ACRV1: variants seen among roughly 807,000 people sequenced by gnomAD.
ACRV1 encodes the protein acrosomal protein SP-10.
A neutral mutation model predicts 29.2 loss-of-function variants in ACRV1; 17 were observed. The ratio of observed to expected loss-of-function variants is 0.58; its 90% confidence interval spans 0.40 to 0.87. The LOEUF is 0.87. Ranked by LOEUF, ACRV1 falls within the 40% of genes least tolerant of loss-of-function variation. ACRV1 has a pLI of 0.00. For synonymous variants in ACRV1, 98 were observed against 111.6 expected (o/e 0.88, Z 0.77); for missense variants, 294 against 316.0 (o/e 0.93, Z 0.53).
Position 125,678,292 on chromosome 11 carries a change from A to T in ACRV1, c.58T>A (p.Ser20Thr). Residue 20 changes from serine to threonine, a missense_variant, in exon 2 of 4, where the codon TCA (serine) becomes ACA (threonine). Coordinates refer to ENST00000533904, the MANE Select transcript of ACRV1 (RefSeq NM_001612.6). ...LYLLGSARGTSSQPNELSGSI... is the reference protein window; with the variant it reads ...LYLLGSARGTTSQPNELSGSI... The stretch of plus-strand genomic sequence containing the variant: ...CCAGAAAGCTCATTAGGCTGACTTG[A>T]TGTTCCTGGGATGGAGAAGGAACAG... 4 of 1,613,518 alleles carry T rather than the reference A, an allele frequency of 2.5e-6. No individual in the cohort carries two copies. Among genetic ancestry groups the T allele is most frequent in the Non-Finnish European group, 3.4e-6 (4 of 1,179,738 alleles).
intron 3 of ACRV1, among the ~76,000 whole-genome samples, chr11:125,674,894 C>A (rs1194270722): frequency 6.6e-6 from 1 of 152,214 alleles, no homozygotes; most frequent in Admixed American, 6.5e-5. Context: ...AGTTTATCTT[C>A]TATGTCTCTG....
intron 3 of ACRV1, among the ~76,000 whole-genome samples, chr11:125,674,481 C>T (rs530641269): frequency 1.3e-5 from 2 of 152,298 alleles, no homozygotes; most frequent in East Asian, 3.9e-4. Flanking sequence ...GAAGTGGTGA[C>T]TTGCGTAGCT....
chr11:125,675,649 C>A (rs1036766679), intron 3 of ACRV1, among the ~76,000 whole-genome samples: 6 of 152,154 alleles, frequency 3.9e-5, no homozygotes, highest in African/African-American at 1.4e-4. Context: ...TGAACACAGA[C>A]TTGTAGACAG....
chr11:125,673,270 CCTCAG>C (rs1423453382), intron 3 of ACRV1, among the ~76,000 whole-genome samples: 2 of 150,366 alleles, frequency 1.3e-5, no homozygotes, highest in Non-Finnish European at 3.0e-5. Context: ...AGTGGTGCAA[CCTCAG>C]CTCACCGCAG....
intron 1 of ACRV1, 33 bp from the exon 2 acceptor site, chr11:125,678,330 G>A (rs1236606573): frequency 6.2e-7 from 1 of 1,601,254 alleles, no homozygotes. Flanking sequence ...GAGAGTTGGT[G>A]AAGCTGACAG....
At chr11:125,673,019 C>T (rs1591433720) in intron 3 of ACRV1, among the ~76,000 whole-genome samples, 1 of 152,002 alleles carries the variant, frequency 6.6e-6, no homozygotes, top group East Asian at 1.9e-4. Context: ...CCTTCCTTTC[C>T]TTACAGCCTT....
chr11:125,671,625 T>C lies in ACRV1; in HGVS notation c.*968A>G, dbSNP rs1214092710. The C allele has an allele frequency of 6.6e-6, 1 of 152,226 alleles. No individual in the cohort carries two copies. Among genetic ancestry groups the C allele is most frequent in the Non-Finnish European group, 1.5e-5 (1 of 68,042 alleles). 9.4% of individuals were successfully genotyped at this position (152,226 alleles called of 1,614,324 possible). ...TTAGAACCATTCTGGCTACTTTCAT[T>C]GTGGTGGAAACAGCTCAGATTTAGA... is the stretch of plus-strand genomic sequence containing the variant. On this transcript the variant is annotated 3_prime_UTR_variant, in exon 4 of 4. Coordinates refer to ENST00000533904, the MANE Select transcript of ACRV1 (RefSeq NM_001612.6).
intron 2 of ACRV1, 106 bp from the exon 3 acceptor site, chr11:125,676,584 C>T (rs479195): frequency 0.51 from 683,516 of 1,340,416 alleles, 177,651 homozygotes; most frequent in Admixed American, 0.61. Flanking sequence ...GGATACTACA[C>T]ATTTATTTCT....
In ACRV1 at chr11:125,676,377, A is replaced by T. The variant is rs753602387; in HGVS notation, c.655T>A (p.Leu219Ile). 1 of 1,614,172 alleles carries T rather than the reference A, an allele frequency of 6.2e-7. No individual in the cohort carries two copies. Among genetic ancestry groups the T allele is most frequent in the South Asian group, 1.1e-5 (1 of 91,080 alleles). ...CATATACCTTCAAAGATCTTCTTTA[A>T]CATGCACTGCTGGGAATTCTGAGTG... ...CITQNSQQCM[L>I]KKIFEGGKLQ... The change falls in exon 3 of 4, where the codon TTA becomes ATA. Residue 219 changes from leucine to isoleucine, a missense_variant. Coordinates refer to ENST00000533904, the MANE Select transcript of ACRV1 (RefSeq NM_001612.6).
Position 125,677,860 on chromosome 11 carries a change from G to T in ACRV1, c.490C>A (p.Pro164Thr). The T allele has an allele frequency of 6.2e-7, 1 of 1,613,816 alleles. No individual in the cohort carries two copies. Residue 164 changes from proline (P) to threonine (T), a missense_variant, in exon 2 of 4, where the codon CCT becomes ACT. Pro to Thr is a conservative substitution (Grantham distance 38). Transcript: ENST00000533904. Reference sequence around the variant, plus strand: ...TCCCCTGAAGCGTGCTCACCTGAAGGCTGTTCACCCGAGGCCTGCTCACCA... The same window carrying T: ...TCCCCTGAAGCGTGCTCACCTGAAGTCTGTTCACCCGAGGCCTGCTCACCA... ...PSGEQASGEQ[P>T]SGEHASGEQA...
Position 125,672,358 on chromosome 11 carries a change from G to GAA in ACRV1, c.*233_*234dup. 2 of 475,550 alleles carry GAA rather than the reference G, an allele frequency of 4.2e-6. No individual in the cohort carries two copies. Among genetic ancestry groups the GAA allele is most frequent in the Admixed American group, 3.7e-5 (1 of 26,874 alleles). The allele number at this position is 475,550 out of a possible 1,614,324, so 29.5% of individuals were successfully genotyped here. Reference sequence around the variant, plus strand: ...GTGCTTTAACCATGTGAAATTTATTGAAAAAAAAATCAGGAATATTGAGAG... The same window carrying GAA: ...GTGCTTTAACCATGTGAAATTTATTGAAAAAAAAAAATCAGGAATATTGAGAG... On this transcript the variant is annotated 3_prime_UTR_variant, in exon 4 of 4. Transcript: ENST00000533904.
chr11:125,674,763 G>C (rs149427238), intron 3 of ACRV1, among the ~76,000 whole-genome samples: 24 of 152,158 alleles, frequency 1.6e-4, no homozygotes, highest in Non-Finnish European at 2.6e-4. Flanking sequence ...AATGATAAAG[G>C]GTATTTTAAA....
chr11:125,677,734 C>T, intron 2 of ACRV1, 63 bp downstream of exon 2: 1 of 1,593,190 alleles, frequency 6.3e-7, no homozygotes, highest in Non-Finnish European at 8.6e-7. Context: ...ATTGGGTTTT[C>T]TTGATGTGTT....
At chr11:125,673,212 C>CTTT (rs11434532) in intron 3 of ACRV1, among the ~76,000 whole-genome samples, 2,898 of 126,830 alleles carry the variant, frequency 0.023, 77 homozygotes, top group African/African-American at 0.081. Context: ...CTTTTCTTTT[C>CTTT]TTTTTTTTTT....
rs1942253306 is a variant in ACRV1, at chr11:125,672,641, C to A, written c.750G>T (p.Arg250Ser). 1 of 1,614,138 alleles carries A rather than the reference C, an allele frequency of 6.2e-7. No homozygotes were observed. Among genetic ancestry groups the A allele is most frequent in the South Asian group, 1.1e-5 (1 of 91,076 alleles). Residue 250 changes from arginine (R) to serine (S), a missense_variant, in exon 4 of 4, where the codon AGG becomes AGT. Physicochemically the swap from Arg to Ser is moderately radical, Grantham distance 110. Coordinates refer to ENST00000533904, the MANE Select transcript of ACRV1 (RefSeq NM_001612.6). ...PSMNLFSHGTRMQIICCRNQS... is the reference protein window; with the variant it reads ...PSMNLFSHGTSMQIICCRNQS... ...GATTTCGACAGCATATAATTTGCAT[C>A]CTCGTTCCATGGGAGAAGAGGTTCA...
intron 3 of ACRV1, among the ~76,000 whole-genome samples, chr11:125,674,513 CAG>C (rs931377416): frequency 2.6e-5 from 4 of 152,184 alleles, no homozygotes; most frequent in African/African-American, 9.7e-5. Flanking sequence ...AGAGTGTAAA[CAG>C]GGATGCAGAA....
Position 125,672,261 on chromosome 11 carries a change from G to T in ACRV1, c.*332C>A. 4.8e-6 allele frequency: 1 copy of T among 210,028 alleles called. No individual in the cohort carries two copies. Among genetic ancestry groups the T allele is most frequent in the Non-Finnish European group, 9.5e-6 (1 of 105,476 alleles). 13.0% of individuals were successfully genotyped at this position (210,028 alleles called of 1,614,324 possible). A position where few individuals can be genotyped will look rare whatever the true frequency, so the allele number is the denominator to read the frequency against. On this transcript the variant is annotated 3_prime_UTR_variant, in exon 4 of 4. Transcript: ENST00000533904. The stretch of plus-strand genomic sequence containing the variant: ...TAAACAATGCACCCAGTTTAGTGTC[G>T]GTGTGGAAGGAAGCTCATGTTGACC...
chr11:125,680,550 G>A (rs947372509), intron 1 of ACRV1, among the ~76,000 whole-genome samples, 179 bp downstream of exon 1: 6 of 152,164 alleles, frequency 3.9e-5, no homozygotes, highest in African/African-American at 1.4e-4. Flanking sequence ...TGACTGTAAA[G>A]CTATGACTAG....
Position 125,676,405 on chromosome 11 carries a change from G to A in ACRV1, c.627C>T (p.Cys209=). The change falls in exon 3 of 4, where the codon TGC becomes TGT. Residue 209 remains cysteine (C), a synonymous_variant. Transcript: ENST00000533904. The part of the protein sequence containing the change: ...QGKCLRGEGT[C]ITQNSQQCML... Reference sequence around the variant, plus strand: ...TGCACTGCTGGGAATTCTGAGTGATGCAGGTTCCCTCTCCACGAAGACATT... The same window carrying A: ...TGCACTGCTGGGAATTCTGAGTGATACAGGTTCCCTCTCCACGAAGACATT... 6.2e-7 allele frequency: 1 copy of A among 1,614,118 alleles called. No homozygotes were observed. The highest frequency in any genetic ancestry group is 2.2e-5 in the East Asian group (1 of 44,876).
Sources: gnomAD v4.1 joint callset for allele counts (sites outside exome capture counted in the v4.1 genomes callset) on GRCh38, gnomAD v4.1.1 for gene constraint, MANE v1.5 for transcripts, NCBI Gene and HGNC (gene_info 2026-07-23, HGNC 2026-07-21) for gene names.